The following DNAJC1 variants were observed in gnomAD, a reference collection of about 807,000 sequenced individuals.
DNAJC1 encodes the protein DnaJ heat shock protein family (Hsp40) member C1, also known as dnaJ homolog subfamily C member 1.
DNAJC1 carries 58 observed loss-of-function variants against 76.6 expected under a neutral mutation model. The ratio of observed to expected loss-of-function variants is 0.76; its 90% confidence interval spans 0.61 to 0.94. The LOEUF (loss-of-function observed/expected upper bound fraction) is 0.94. DNAJC1 is among the 40% of genes least tolerant of loss of function. The pLI is 0.00. For synonymous variants in DNAJC1, 258 were observed against 267.9 expected (o/e 0.96, Z 0.36); for missense variants, 689 against 677.3 (o/e 1.02, Z -0.19).
chr10:21,878,747 T>A (rs61851894), intron 8 of DNAJC1, among the ~76,000 whole-genome samples: 237 of 152,280 alleles, frequency 1.6e-3, no homozygotes, highest in Admixed American at 3.7e-3. Flanking sequence ...TAAACCCATA[T>A]TTTTCAAGGA....
intron 1 of DNAJC1, among the ~76,000 whole-genome samples, chr10:21,956,856 G>A (rs1837694947): frequency 6.9e-6 from 1 of 144,134 alleles, no homozygotes; most frequent in African/African-American, 2.6e-5. Context: ...ACACACACAA[G>A]TAGGTGTAAA....
At chr10:21,812,605 T>C (rs1834986273) in intron 8 of DNAJC1, among the ~76,000 whole-genome samples, 1 of 152,148 alleles carries the variant, frequency 6.6e-6, no homozygotes, top group Non-Finnish European at 1.5e-5. Context: ...CCTTGCTCTG[T>C]TGCCCAGGCT....
chr10:21,900,280 T>C lies in DNAJC1; in HGVS notation c.820+4242A>G, dbSNP rs183916929. ...ATCACTTGAACCTGGGAGGCGGAGG[T>C]TGCAGTGAGCCAACATTGCGCCACT... is the stretch of plus-strand genomic sequence containing the variant. On this transcript the variant is annotated intron_variant, in intron 7 of 11. Transcript: ENST00000376980. 2.2e-3 allele frequency among the ~76,000 whole-genome samples: 335 copies of C among 151,564 alleles called. 3 individuals carry two copies. The highest frequency in any genetic ancestry group is 7.7e-3 in the African/African-American group (319 of 41,298).
chr10:21,850,375 CAG>C (rs1835732771), intron 8 of DNAJC1, among the ~76,000 whole-genome samples: 1 of 151,726 alleles, frequency 6.6e-6, no homozygotes, highest in South Asian at 2.1e-4. Context: ...CAGCATGAAA[CAG>C]AATAAAATAC....
In DNAJC1 at chr10:21,806,690, G is replaced by A. The variant is rs899090709; in HGVS notation, c.979-591C>T. On this transcript the variant is annotated intron_variant, in intron 8 of 11. Coordinates refer to ENST00000376980, the MANE Select transcript of DNAJC1 (RefSeq NM_022365.4). ...AATATTTTTTCAAGAAGTTTAGCTTGTCAAATGTCACTCTTTTTTTTTTTT... is the reference window on the plus strand; with the variant it reads ...AATATTTTTTCAAGAAGTTTAGCTTATCAAATGTCACTCTTTTTTTTTTTT... Among the ~76,000 whole-genome samples the A allele has an allele frequency of 2.0e-5, 3 of 151,864 alleles. No individual in the cohort carries two copies. The South Asian group carries it at 6.2e-4, about 32-fold the overall frequency.
intron 9 of DNAJC1, among the ~76,000 whole-genome samples, chr10:21,802,230 A>G (rs1336036778): frequency 2.6e-5 from 4 of 152,192 alleles, no homozygotes; most frequent in African/African-American, 9.7e-5. Flanking sequence ...GGAAACTGGT[A>G]CAGCGGCAGT....
At chr10:21,839,537 C>T (rs1025956917) in intron 8 of DNAJC1, among the ~76,000 whole-genome samples, 1 of 152,148 alleles carries the variant, frequency 6.6e-6, no homozygotes, top group African/African-American at 2.4e-5. Flanking sequence ...TACATCCTCC[C>T]AAGACTAAAC....
chr10:21,849,292 C>CAAA (rs33953332), intron 8 of DNAJC1, among the ~76,000 whole-genome samples: 1,630 of 35,844 alleles, frequency 0.045, 388 homozygotes, highest in Middle Eastern at 0.091. Flanking sequence ...GACTCCGCCT[C>CAAA]AAAAAAAAAA....
intron 1 of DNAJC1, among the ~76,000 whole-genome samples, chr10:21,944,079 T>C (rs577199371): frequency 6.6e-6 from 1 of 152,282 alleles, no homozygotes; most frequent in African/African-American, 2.4e-5. Flanking sequence ...GGAAACATAG[T>C]TATTAGCTTT....
intron 1 of DNAJC1, among the ~76,000 whole-genome samples, chr10:21,940,206 T>C (rs1837383427): frequency 6.6e-6 from 1 of 152,046 alleles, no homozygotes; most frequent in South Asian, 2.1e-4. Context: ...AAAACTAATT[T>C]TCCAGGGCAA....
At chr10:21,986,438 C>T (rs1838249524) in intron 1 of DNAJC1, among the ~76,000 whole-genome samples, 1 of 152,062 alleles carries the variant, frequency 6.6e-6, no homozygotes, top group South Asian at 2.1e-4. Context: ...TGCTTATTAG[C>T]ATTTGTATAT....
In DNAJC1 at chr10:22,003,341, G is replaced by A. The variant is rs564034777; in HGVS notation, c.94C>T (p.Leu32=). ...GCCAGCAGCAGCAGCAGCAGCCACA[G>A]CAGCGGCGTCCGCGGCGGCGGCGGC... ...FPPPPPRTPL[L]WLLLLLLAAV... is the part of the protein sequence containing the mutation. Residue 32 remains leucine, a synonymous_variant, in exon 1 of 12, where the codon CTG becomes TTG. Coordinates refer to ENST00000376980, the MANE Select transcript of DNAJC1 (RefSeq NM_022365.4). The A allele has an allele frequency of 4.0e-5, 58 of 1,452,152 alleles. 1 individual carries two copies. The South Asian group carries it at 6.4e-4, about 16-fold the overall frequency. 90.0% of individuals were successfully genotyped at this position (1,452,152 alleles called of 1,614,324 possible).
At chr10:21,805,406 A>T (rs1834871476) in intron 9 of DNAJC1, among the ~76,000 whole-genome samples, 1 of 151,106 alleles carries the variant, frequency 6.6e-6, no homozygotes, top group South Asian at 2.1e-4. Context: ...AACCTTTCCA[A>T]GTAAGTAATT....
At chr10:21,761,352 G>T (rs2131616096) in intron 10 of DNAJC1, among the ~76,000 whole-genome samples, 1 of 152,222 alleles carries the variant, frequency 6.6e-6, no homozygotes, top group Non-Finnish European at 1.5e-5. Context: ...CTGAGGTCAG[G>T]AGTTCGAGAC....
rs183289493 is a variant in DNAJC1 at position 21,921,614 on chromosome 10, A to G, written c.372-651T>C. Among the ~76,000 whole-genome samples, 341 of 152,160 alleles carry G rather than the reference A, an allele frequency of 2.2e-3. 3 individuals carry two copies. The highest frequency in any genetic ancestry group is 7.8e-3 in the African/African-American group (325 of 41,574). On this transcript the variant is annotated intron_variant, in intron 3 of 11. Coordinates refer to ENST00000376980, the MANE Select transcript of DNAJC1 (RefSeq NM_022365.4). Reference sequence around the variant, plus strand: ...ACCAGTGTTTATGTTGGATTTCTCAATAAAACTGTTTATTTGTAAACAATT... The same window carrying G: ...ACCAGTGTTTATGTTGGATTTCTCAGTAAAACTGTTTATTTGTAAACAATT...
At chr10:22,002,693 T>G (rs1427943014) in intron 1 of DNAJC1, among the ~76,000 whole-genome samples, 1 of 152,084 alleles carries the variant, frequency 6.6e-6, no homozygotes, top group Non-Finnish European at 1.5e-5. Context: ...ACACAGACAC[T>G]GGCCACAGTG....
chr10:21,978,413 A>G (rs1422549870), intron 1 of DNAJC1, among the ~76,000 whole-genome samples: 1 of 152,162 alleles, frequency 6.6e-6, no homozygotes, highest in Non-Finnish European at 1.5e-5. Context: ...TAGCAAGTGA[A>G]AAGATTGGCT....
chr10:22,001,976 G>C (rs1838524954), intron 1 of DNAJC1, among the ~76,000 whole-genome samples: 1 of 152,160 alleles, frequency 6.6e-6, no homozygotes. Context: ...TTGCACATAT[G>C]AATCTGAAGT....
chr10:21,975,578 A>G (rs1427650927), intron 1 of DNAJC1, among the ~76,000 whole-genome samples: 1 of 152,206 alleles, frequency 6.6e-6, no homozygotes, highest in Non-Finnish European at 1.5e-5. Context: ...GTGCCACTAG[A>G]GTGGCAAATT....
Sources: gnomAD v4.1 joint callset for allele counts (sites outside exome capture counted in the v4.1 genomes callset) on GRCh38, gnomAD v4.1.1 for gene constraint, MANE v1.5 for transcripts, NCBI Gene and HGNC (gene_info 2026-07-23, HGNC 2026-07-21) for gene names.